STK32B: variants seen among roughly 807,000 people sequenced by gnomAD.
The protein encoded by STK32B is serine/threonine kinase 32B, also known as serine/threonine-protein kinase 32B.
Under a neutral mutation model 52.6 loss-of-function variants are expected in STK32B, and 43 were observed. The observed-to-expected ratio is 0.82, with a 90% CI of 0.64 to 1.05. The LOEUF is 1.05. STK32B is among the 50% of genes least tolerant of loss of function. The pLI is 0.00. For missense variants in STK32B, 621 were observed against 534.6 expected (o/e 1.16, Z -1.59); for synonymous variants, 238 against 204.3 (o/e 1.17, Z -1.41).
intron 6 of STK32B, among the ~76,000 whole-genome samples, chr4:5,426,710 A>AAAAAAAAAGG (rs1713138322): frequency 6.7e-6 from 1 of 149,650 alleles, no homozygotes; most frequent in Non-Finnish European, 1.5e-5. Flanking sequence ...AAAAAAAAAA[A>AAAAAAAAAGG]AAAAGGAAAA....
At chr4:5,448,818 G>A (rs1256719223) in intron 7 of STK32B, among the ~76,000 whole-genome samples, 1 of 152,088 alleles carries the variant, frequency 6.6e-6, no homozygotes. Context: ...TATTTGACTG[G>A]CTGCTTCTTT....
intron 3 of STK32B, among the ~76,000 whole-genome samples, chr4:5,241,883 A>G (rs1470352555): frequency 3.3e-5 from 5 of 152,148 alleles, no homozygotes; most frequent in African/African-American, 1.2e-4. Flanking sequence ...AGCTTCATCC[A>G]TGTCCCTACA....
chr4:5,162,640 G>A (rs1718536224), intron 2 of STK32B, among the ~76,000 whole-genome samples: 1 of 152,222 alleles, frequency 6.6e-6, no homozygotes, highest in African/African-American at 2.4e-5. Context: ...TTAGACTAAT[G>A]AGGAATGTTA....
intron 3 of STK32B, among the ~76,000 whole-genome samples, chr4:5,261,612 T>C (rs1726717735): frequency 6.6e-6 from 1 of 152,214 alleles, no homozygotes; most frequent in Non-Finnish European, 1.5e-5. Context: ...TGCCTAAGGT[T>C]ACACAGTAGT....
At chr4:5,323,342 G>GT (rs2108942069) in intron 3 of STK32B, among the ~76,000 whole-genome samples, 1 of 152,294 alleles carries the variant, frequency 6.6e-6, no homozygotes, top group Admixed American at 6.5e-5. Context: ...GCAGACAGGA[G>GT]TGTAAGCCCA....
intron 2 of STK32B, among the ~76,000 whole-genome samples, chr4:5,168,010 T>G (rs1388243953): frequency 6.6e-6 from 1 of 152,220 alleles, no homozygotes; most frequent in East Asian, 1.9e-4. Context: ...TGTGAGCCCC[T>G]TGAGGGCAGG....
At chr4:5,091,239 C>A (rs1389451102) in intron 1 of STK32B, among the ~76,000 whole-genome samples, 1 of 151,874 alleles carries the variant, frequency 6.6e-6, no homozygotes, top group African/African-American at 2.4e-5. Context: ...TAGATTTCAT[C>A]AAAATTAAAT....
chr4:5,248,828 A>G (rs1413392204), intron 3 of STK32B, among the ~76,000 whole-genome samples: 4 of 152,118 alleles, frequency 2.6e-5, no homozygotes, highest in African/African-American at 7.2e-5. Flanking sequence ...CGTGAGGACA[A>G]AAAACCAAAC....
chr4:5,334,461 C>T (rs1378583215), intron 4 of STK32B, among the ~76,000 whole-genome samples: 1 of 152,092 alleles, frequency 6.6e-6, no homozygotes, highest in Admixed American at 6.5e-5. Flanking sequence ...TAATTGAATA[C>T]CCTTTATTTC....
intron 3 of STK32B, among the ~76,000 whole-genome samples, chr4:5,198,400 C>T (rs1038869469): frequency 6.6e-6 from 1 of 152,180 alleles, no homozygotes; most frequent in Non-Finnish European, 1.5e-5. Context: ...GTAGCTTATA[C>T]TTGTTTTAAT....
At chr4:5,345,346 G>A (rs921988759) in intron 4 of STK32B, 69 of 148,462 alleles carry the variant, frequency 4.6e-4, no homozygotes, top group African/African-American at 1.4e-3. Flanking sequence ...TGAATTTAAA[G>A]CAGATGCTTC....
chr4:5,348,211 A>G (rs1034617397), intron 4 of STK32B, among the ~76,000 whole-genome samples: 4 of 152,174 alleles, frequency 2.6e-5, no homozygotes, highest in Admixed American at 6.5e-5. Context: ...AGTCCTAGCC[A>G]TGGGAGAGCC....
At chr4:5,144,134 C>T (rs1716723635) in intron 2 of STK32B, among the ~76,000 whole-genome samples, 1 of 152,160 alleles carries the variant, frequency 6.6e-6, no homozygotes, top group Admixed American at 6.5e-5. Flanking sequence ...GGGAATTCAG[C>T]TCAGCAAGTG....
chr4:5,054,972 T>C (rs1008647199), intron 1 of STK32B, among the ~76,000 whole-genome samples: 7 of 152,216 alleles, frequency 4.6e-5, no homozygotes, highest in African/African-American at 2.4e-5. Context: ...TTGCTTTTTT[T>C]CCAAGTGTTG....
chr4:5,168,280 T>A lies in STK32B; in HGVS notation c.109-19T>A. On this transcript the variant is annotated intron_variant, in intron 2 of 11. Coordinates refer to ENST00000282908, the MANE Select transcript of STK32B (RefSeq NM_018401.3). Reference sequence around the variant, plus strand: ...TTCGATTGTTGGCCTGACTGTTCTCTCCTTTGGCTGTCGCTCAGGTATGCA... The same window carrying A: ...TTCGATTGTTGGCCTGACTGTTCTCACCTTTGGCTGTCGCTCAGGTATGCA... 1 of 1,603,172 alleles carries A rather than the reference T, an allele frequency of 6.2e-7. No individual in the cohort carries two copies. Among genetic ancestry groups the A allele is most frequent in the Non-Finnish European group, 8.5e-7 (1 of 1,171,320 alleles).
At chr4:5,393,802 C>T (rs1736721817) in intron 4 of STK32B, among the ~76,000 whole-genome samples, 1 of 152,142 alleles carries the variant, frequency 6.6e-6, no homozygotes, top group Non-Finnish European at 1.5e-5. Flanking sequence ...CAAACCCTAT[C>T]ACTCACCCAG....
chr4:5,101,357 A>G (rs964135285), intron 1 of STK32B, among the ~76,000 whole-genome samples: 88 of 152,166 alleles, frequency 5.8e-4, no homozygotes, highest in African/African-American at 2.1e-3. Flanking sequence ...TTTCTCTGAA[A>G]GAGAGAGGGG....
At chr4:5,401,744 G>C (rs1425063536) in intron 5 of STK32B, among the ~76,000 whole-genome samples, 1 of 152,194 alleles carries the variant, frequency 6.6e-6, no homozygotes, top group Admixed American at 6.5e-5. Context: ...ATAGAGGGAG[G>C]GGGGAAGCAA....
At chr4:5,179,030 G>A (rs1199910609) in intron 3 of STK32B, among the ~76,000 whole-genome samples, 1 of 152,204 alleles carries the variant, frequency 6.6e-6, no homozygotes, top group Non-Finnish European at 1.5e-5. Context: ...ACGCTGCTAT[G>A]AAGAAATATC....
Sources: gnomAD v4.1 joint callset for allele counts (sites outside exome capture counted in the v4.1 genomes callset) on GRCh38, gnomAD v4.1.1 for gene constraint, MANE v1.5 for transcripts, NCBI Gene and HGNC (gene_info 2026-07-23, HGNC 2026-07-21) for gene names.